Variants in FANCC observed in about 807,000 individuals in gnomAD.
The protein encoded by FANCC is Fanconi anemia group C protein.
A neutral mutation model predicts 71.3 loss-of-function variants in FANCC; 55 were observed. The observed-to-expected ratio is 0.77, with a 90% CI of 0.62 to 0.97. The LOEUF (loss-of-function observed/expected upper bound fraction) is 0.97. FANCC is among the 50% of genes least tolerant of loss of function. FANCC has a pLI of 0.00. For synonymous variants in FANCC, 275 were observed against 244.9 expected (o/e 1.12, Z -1.15); for missense variants, 678 against 670.9 (o/e 1.01, Z -0.12).
chr9:95,101,515 C>T lies in FANCC; in HGVS notation c.*192G>A. 1 of 690,286 alleles carries T rather than the reference C, an allele frequency of 1.4e-6. No individual in the cohort carries two copies. Among genetic ancestry groups the T allele is most frequent in the Middle Eastern group, 4.0e-4 (1 of 2,470 alleles). 42.8% of individuals were successfully genotyped at this position (690,286 alleles called of 1,614,324 possible). On this transcript the variant is annotated 3_prime_UTR_variant, in exon 15 of 15. Coordinates refer to ENST00000289081, the MANE Select transcript of FANCC (RefSeq NM_000136.3). ...CATTAGTGAACATGTCTGACTGAGT[C>T]TGGGCTGAGGGACCTGGCTCTGCAT...
intron 8 of FANCC, among the ~76,000 whole-genome samples, chr9:95,132,786 G>A (rs889798232): frequency 8.5e-5 from 13 of 152,202 alleles, no homozygotes; most frequent in African/African-American, 2.9e-4. Context: ...GAGTCCAAGA[G>A]GCCAAAGAAC....
chr9:95,293,545 CAT>C (rs1392740115), intron 1 of FANCC: 67 of 1,610,720 alleles, frequency 4.2e-5, no homozygotes, highest in Non-Finnish European at 5.4e-5. Flanking sequence ...CTAGGGAACA[CAT>C]GTCAGAAGAA....
intron 6 of FANCC, among the ~76,000 whole-genome samples, chr9:95,153,345 C>CTT (rs1830285525): frequency 6.6e-6 from 1 of 151,776 alleles, no homozygotes; most frequent in Non-Finnish European, 1.5e-5. Flanking sequence ...ATAAAGACAT[C>CTT]TTTTCCTTTG....
At chr9:95,297,427 C>T (rs948337964) in intron 1 of FANCC, among the ~76,000 whole-genome samples, 2 of 152,184 alleles carry the variant, frequency 1.3e-5, no homozygotes, top group East Asian at 3.8e-4. Flanking sequence ...TCCCTCTCTT[C>T]CTTCCTTTCC....
At chr9:95,122,060 G>A (rs542161243) in intron 10 of FANCC, among the ~76,000 whole-genome samples, 16 of 151,938 alleles carry the variant, frequency 1.1e-4, no homozygotes, top group South Asian at 2.1e-4. Flanking sequence ...GGGTTTCACC[G>A]TGTTAGCCAG....
intron 7 of FANCC, among the ~76,000 whole-genome samples, chr9:95,140,424 G>A (rs1828463884): frequency 6.6e-6 from 1 of 152,108 alleles, no homozygotes; most frequent in Non-Finnish European, 1.5e-5. Context: ...TAAAGAAATT[G>A]GTCCAACTGC....
intron 4 of FANCC, among the ~76,000 whole-genome samples, chr9:95,218,114 G>C (rs1243422603): frequency 6.6e-6 from 1 of 152,094 alleles, no homozygotes; most frequent in African/African-American, 2.4e-5. Context: ...TTCCCCCAAA[G>C]AAAATCTGAG....
At chr9:95,138,828 G>A (rs898243987) in intron 7 of FANCC, among the ~76,000 whole-genome samples, 1 of 152,194 alleles carries the variant, frequency 6.6e-6, no homozygotes, top group Non-Finnish European at 1.5e-5. Context: ...TCAAGCACAC[G>A]AGTCACACTC....
chr9:95,246,871 T>G (rs1831011831), intron 3 of FANCC, among the ~76,000 whole-genome samples: 1 of 152,048 alleles, frequency 6.6e-6, no homozygotes, highest in African/African-American at 2.4e-5. Flanking sequence ...AGGAGCTCAG[T>G]GAAGGAATAC....
intron 6 of FANCC, among the ~76,000 whole-genome samples, chr9:95,155,342 GAA>G (rs1830411714): frequency 1.7e-5 from 1 of 57,178 alleles, no homozygotes; most frequent in Non-Finnish European, 3.5e-5. Flanking sequence ...AGGAAGGGAG[GAA>G]GGGAGGGAGG....
chr9:95,145,933 C>T (rs1829478997), intron 7 of FANCC, among the ~76,000 whole-genome samples: 1 of 151,862 alleles, frequency 6.6e-6, no homozygotes, highest in Admixed American at 6.6e-5. Context: ...AACCATAAAC[C>T]AAAGGCAATG....
At chr9:95,279,947 CAAAAAAAAAA>C (rs71498957) in intron 1 of FANCC, among the ~76,000 whole-genome samples, 33 of 64,772 alleles carry the variant, frequency 5.1e-4, no homozygotes, top group African/African-American at 1.7e-3. Flanking sequence ...GACTCTGTCT[CAAAAAAAAAA>C]AAAAAAAAAA....
intron 1 of FANCC, among the ~76,000 whole-genome samples, chr9:95,258,998 T>C (rs1831846619): frequency 6.6e-6 from 1 of 152,258 alleles, no homozygotes; most frequent in African/African-American, 2.4e-5. Flanking sequence ...GTGAAGGACC[T>C]CTTCAAGGAG....
chr9:95,155,983 C>T (rs960143510), intron 6 of FANCC, among the ~76,000 whole-genome samples: 1 of 151,418 alleles, frequency 6.6e-6, no homozygotes, highest in Admixed American at 6.6e-5. Flanking sequence ...ACCCTGGCCT[C>T]CCAAATTGCT....
chr9:95,309,830 G>A (rs1359178788), intron 1 of FANCC, among the ~76,000 whole-genome samples: 2 of 152,154 alleles, frequency 1.3e-5, no homozygotes, highest in Non-Finnish European at 2.9e-5. Context: ...GATCCAGCAT[G>A]ACAGGTGCTC....
At position 95,274,894 on chromosome 9, in the gene FANCC, T is replaced by C. The variant is rs563302260; in HGVS notation, c.-78-25525A>G. The stretch of plus-strand genomic sequence containing the variant: ...AGGATATCTGCAGTCCCTACATAGG[T>C]AGGAATTCTCTGAACTATGTATGAT... On this transcript the variant is annotated intron_variant, in intron 1 of 14. Coordinates refer to ENST00000289081, the MANE Select transcript of FANCC (RefSeq NM_000136.3). Among the ~76,000 whole-genome samples, 20 of 152,096 alleles carry C rather than the reference T, an allele frequency of 1.3e-4. No homozygotes were observed. In the South Asian group the frequency reaches 4.2e-3, roughly 32 times the overall value.
chr9:95,295,518 G>A (rs1008172988), intron 1 of FANCC, among the ~76,000 whole-genome samples: 2 of 152,206 alleles, frequency 1.3e-5, no homozygotes, highest in East Asian at 3.9e-4. Flanking sequence ...AATCATCAGG[G>A]AAATACACAT....
intron 1 of FANCC, chr9:95,293,317 T>C (rs1834170883): frequency 1.9e-6 from 3 of 1,612,058 alleles, no homozygotes; most frequent in Non-Finnish European, 2.5e-6. Flanking sequence ...CAGCCCAGCC[T>C]GTGGTGTTAG....
In FANCC at chr9:95,101,671, C is replaced by A. The variant is rs747229495; in HGVS notation, c.*36G>T. On this transcript the variant is annotated 3_prime_UTR_variant, in exon 15 of 15. Coordinates refer to ENST00000289081, the MANE Select transcript of FANCC (RefSeq NM_000136.3). The stretch of plus-strand genomic sequence containing the variant: ...GTCCTGTGGCCCTGGCGAGCCTGAT[C>A]CCTCACGCCGGGCACCCACACGGCC... 6.2e-7 allele frequency: 1 copy of A among 1,612,018 alleles called. No individual in the cohort carries two copies. Among genetic ancestry groups the A allele is most frequent in the Non-Finnish European group, 8.5e-7 (1 of 1,179,736 alleles).
Sources: allele counts gnomAD v4.1 joint callset (sites outside exome capture counted in the v4.1 genomes callset), GRCh38; gene constraint gnomAD v4.1.1; transcripts MANE v1.5; gene names NCBI Gene and HGNC (gene_info 2026-07-23, HGNC 2026-07-21).